MRTFB: variants seen among roughly 807,000 people sequenced by gnomAD.
MRTFB encodes myocardin-related transcription factor B.
MRTFB carries 29 observed loss-of-function variants against 104.2 expected under a neutral mutation model. That is an observed-to-expected ratio of 0.28 (90% CI 0.21 to 0.38). The LOEUF is 0.38. Among genes scored for constraint, MRTFB ranks in the 10% least tolerant of loss-of-function variants. The pLI, the probability that MRTFB is intolerant of heterozygous loss-of-function variation, is 1.00. For missense variants in MRTFB, 1,270 were observed against 1,341.6 expected (o/e 0.95, Z 0.83); for synonymous variants, 535 against 519.5 (o/e 1.03, Z -0.41).
rs1227140835 is a variant in MRTFB, at chr16:14,131,044, C to T, written c.-63-9500C>T. ...GATTTGGGTGGGGACACAGCCAAACCATATCATGTGCTATGACCCAAGCTT... is the reference window on the plus strand; with the variant it reads ...GATTTGGGTGGGGACACAGCCAAACTATATCATGTGCTATGACCCAAGCTT... On this transcript the variant is annotated intron_variant, in intron 2 of 16. Transcript: ENST00000571589. 2.0e-5 allele frequency among the ~76,000 whole-genome samples: 3 copies of T among 152,046 alleles called. No individual in the cohort carries two copies. In the East Asian group the frequency reaches 5.8e-4, roughly 29 times the overall value.
chr16:14,080,293 T>C (rs1378647931), intron 2 of MRTFB, among the ~76,000 whole-genome samples: 1 of 152,238 alleles, frequency 6.6e-6, no homozygotes, highest in Non-Finnish European at 1.5e-5. Flanking sequence ...GCTTTCCATA[T>C]CCTTGCCCAC....
intron 3 of MRTFB, among the ~76,000 whole-genome samples, chr16:14,201,957 A>C (rs2040725459): frequency 6.6e-6 from 1 of 152,114 alleles, no homozygotes; most frequent in Non-Finnish European, 1.5e-5. Context: ...GGTATTATAA[A>C]CCTTGTTGAA....
intron 2 of MRTFB, 72 bp from the exon 3 acceptor site, chr16:14,140,472 C>T (rs560301651): frequency 9.1e-6 from 10 of 1,103,218 alleles, no homozygotes; most frequent in African/African-American, 3.1e-5. Context: ...CCAGGATTCC[C>T]GTTTTAATAC....
intron 2 of MRTFB, among the ~76,000 whole-genome samples, chr16:14,086,651 T>C (rs1019515404): frequency 6.6e-6 from 1 of 152,186 alleles, no homozygotes; most frequent in African/African-American, 2.4e-5. Context: ...ATCTCTTTTA[T>C]GTGGCAATGC....
At chr16:14,152,045 T>G (rs2038639375) in intron 3 of MRTFB, 1 of 152,178 alleles carries the variant, frequency 6.6e-6, no homozygotes, top group Non-Finnish European at 1.5e-5. Context: ...TTGCTGAGAC[T>G]CTTTTAAAAG....
At chr16:14,230,411 G>C (rs1215859915) in intron 8 of MRTFB, among the ~76,000 whole-genome samples, 5 of 152,028 alleles carry the variant, frequency 3.3e-5, no homozygotes, top group South Asian at 2.1e-4. Flanking sequence ...CCCAGAATCT[G>C]CAATGAACTC....
chr16:14,247,389 T>C lies in MRTFB; in HGVS notation c.2129T>C (p.Val710Ala). Residue 710 changes from valine to alanine, a missense_variant, in exon 12 of 17, where the codon GTT becomes GCT. Physicochemically the swap from Val to Ala is moderately conservative, Grantham distance 64 (BLOSUM62 0). Around this residue, in one of 3 missense-constraint regions of MRTFB, gnomAD observed 1,144 missense variants for 1,131.5 expected, o/e 1.01. Transcript: ENST00000571589. ...VSSQGQPPPA[V>A]VAQPQALLTT... The stretch of plus-strand genomic sequence containing the variant: ...TCCCAGGGACAGCCACCGCCTGCTG[T>C]TGTTGCTCAGCCCCAGGCTTTACTG... The C allele has an allele frequency of 6.2e-7, 1 of 1,613,736 alleles. No homozygotes were observed. Among genetic ancestry groups the C allele is most frequent in the Non-Finnish European group, 8.5e-7 (1 of 1,179,974 alleles).
chr16:14,110,191 C>A (rs1246476296), intron 2 of MRTFB, among the ~76,000 whole-genome samples: 1 of 152,210 alleles, frequency 6.6e-6, no homozygotes, highest in Non-Finnish European at 1.5e-5. Context: ...CAGGAAAGTC[C>A]TGGGGTAAAG....
chr16:14,079,874 T>A (rs1047242669), intron 2 of MRTFB, among the ~76,000 whole-genome samples: 1 of 152,140 alleles, frequency 6.6e-6, no homozygotes, highest in African/African-American at 2.4e-5. Flanking sequence ...GAACATACTT[T>A]TAGAAATCTA....
intron 8 of MRTFB, among the ~76,000 whole-genome samples, chr16:14,230,072 T>C (rs1567193695): frequency 6.6e-6 from 1 of 152,148 alleles, no homozygotes; most frequent in Non-Finnish European, 1.5e-5. Flanking sequence ...GAAAACTGGC[T>C]AGCCATATGT....
At chr16:14,008,867 GT>G in the MRTFB span, among the ~76,000 whole-genome samples, 4 of 150,792 alleles carry the variant, frequency 2.7e-5, no homozygotes, top group East Asian at 7.7e-4. Flanking sequence ...ATGTTATATA[GT>G]TTTGCAATGT....
chr16:14,014,096 C>T, the MRTFB span, among the ~76,000 whole-genome samples: 109 of 152,224 alleles, frequency 7.2e-4, no homozygotes, highest in Non-Finnish European at 1.3e-3. Flanking sequence ...ATGCCCTCCC[C>T]TCCTCTCCCC....
intron 2 of MRTFB, among the ~76,000 whole-genome samples, chr16:14,080,463 C>G (rs1238362183): frequency 6.6e-6 from 1 of 152,174 alleles, no homozygotes. Flanking sequence ...CGTTACCTCA[C>G]ATAGTTACCA....
chr16:14,130,934 G>C (rs114306793), intron 2 of MRTFB, among the ~76,000 whole-genome samples: 2,036 of 152,136 alleles, frequency 0.013, 46 homozygotes, highest in African/African-American at 0.046. Flanking sequence ...GGCAGCATGG[G>C]GGTAACTGCC....
At chr16:14,257,944 G>T (rs1056408039) in intron 15 of MRTFB, among the ~76,000 whole-genome samples, 157 bp from the exon 16 acceptor site, 1 of 152,204 alleles carries the variant, frequency 6.6e-6, no homozygotes, top group African/African-American at 2.4e-5. Flanking sequence ...TGTACAGCTT[G>T]GGTAAATGGC....
chr16:14,186,050 G>A (rs1021580474), intron 3 of MRTFB, among the ~76,000 whole-genome samples: 14 of 152,104 alleles, frequency 9.2e-5, no homozygotes, highest in African/African-American at 3.4e-4. Flanking sequence ...TAATGCATGG[G>A]GGGAGAATTT....
chr16:14,011,650 C>G, the MRTFB span, among the ~76,000 whole-genome samples: 2 of 152,154 alleles, frequency 1.3e-5, no homozygotes, highest in South Asian at 4.1e-4. Flanking sequence ...CTTTGGGAGG[C>G]TGAGGCGGGC....
At chr16:14,109,427 T>C (rs2036160003) in intron 2 of MRTFB, among the ~76,000 whole-genome samples, 1 of 152,178 alleles carries the variant, frequency 6.6e-6, no homozygotes, top group Admixed American at 6.5e-5. Flanking sequence ...TATGAGGATA[T>C]CAAGAAGAAA....
intron 2 of MRTFB, among the ~76,000 whole-genome samples, chr16:14,120,636 C>A (rs1250462414): frequency 6.6e-6 from 1 of 152,202 alleles, no homozygotes; most frequent in African/African-American, 2.4e-5. Flanking sequence ...ATAATACATT[C>A]TTTTAAAATA....
Sources: allele counts gnomAD v4.1 joint callset (sites outside exome capture counted in the v4.1 genomes callset), GRCh38; gene constraint gnomAD v4.1.1; regional missense constraint gnomAD v4.1.1; transcripts MANE v1.5; gene names NCBI Gene and HGNC (gene_info 2026-07-23, HGNC 2026-07-21).